Variants in AFTPH observed in about 807,000 individuals in gnomAD.
AFTPH encodes aftiphilin protein.
A neutral mutation model predicts 72.5 loss-of-function variants in AFTPH; 7 were observed. The observed-to-expected ratio is 0.10, with a 90% CI of 0.05 to 0.18. The LOEUF (loss-of-function observed/expected upper bound fraction) is 0.18. Among genes scored for constraint, AFTPH ranks in the 10% least tolerant of loss-of-function variants. The pLI, the probability that AFTPH is intolerant of heterozygous loss-of-function variation, is 1.00. For synonymous variants in AFTPH, 337 were observed against 370.1 expected (o/e 0.91, Z 1.03); for missense variants, 979 against 1,060.5 (o/e 0.92, Z 1.07).
intron 1 of AFTPH, among the ~76,000 whole-genome samples, chr2:64,534,232 T>C (rs1669770231): frequency 6.6e-6 from 1 of 152,210 alleles, no homozygotes; most frequent in African/African-American, 2.4e-5. Context: ...ACTCAAAATC[T>C]GAAGCATTGA....
At chr2:64,541,984 A>T (rs1411425265) in intron 1 of AFTPH, among the ~76,000 whole-genome samples, 1 of 152,140 alleles carries the variant, frequency 6.6e-6, no homozygotes, top group Non-Finnish European at 1.5e-5. Flanking sequence ...CCTTCTTTCT[A>T]CAATATCTTT....
intron 2 of AFTPH, among the ~76,000 whole-genome samples, chr2:64,556,833 A>G (rs140683603): frequency 1.5e-3 from 235 of 152,344 alleles, no homozygotes; most frequent in Non-Finnish European, 2.4e-3. Context: ...TATGAACATT[A>G]TTGAGAAATA....
chr2:64,569,332 G>A (rs1672277224), intron 4 of AFTPH, 114 bp downstream of exon 4: 1 of 1,375,076 alleles, frequency 7.3e-7, no homozygotes, highest in Non-Finnish European at 9.8e-7. Context: ...TAAATATTTG[G>A]TTTAAATGTT....
intron 1 of AFTPH, among the ~76,000 whole-genome samples, chr2:64,541,311 G>A (rs527819334): frequency 6.6e-6 from 1 of 152,178 alleles, no homozygotes; most frequent in African/African-American, 2.4e-5. Context: ...TATGCAGTTG[G>A]TGACTCAGTG....
intron 8 of AFTPH, among the ~76,000 whole-genome samples, chr2:64,587,278 G>C (rs1390154446): frequency 6.6e-6 from 1 of 152,148 alleles, no homozygotes; most frequent in African/African-American, 2.4e-5. Context: ...GCTAGGACCT[G>C]TCCAGCATCA....
At chr2:64,544,040 C>A (rs1199281902) in intron 1 of AFTPH, among the ~76,000 whole-genome samples, 1 of 152,216 alleles carries the variant, frequency 6.6e-6, no homozygotes, top group African/African-American at 2.4e-5. Flanking sequence ...AACTGTTTCC[C>A]TGACCCCTTT....
chr2:64,586,484 TAATA>T (rs902059632), intron 8 of AFTPH, among the ~76,000 whole-genome samples: 26 of 152,262 alleles, frequency 1.7e-4, no homozygotes, highest in African/African-American at 6.3e-4. Flanking sequence ...TTATTGTGAA[TAATA>T]AATGTTTCTC....
intron 1 of AFTPH, among the ~76,000 whole-genome samples, chr2:64,547,993 C>T (rs1023343589): frequency 2.0e-5 from 3 of 151,816 alleles, no homozygotes; most frequent in Non-Finnish European, 2.9e-5. Context: ...ATCATGTTGC[C>T]CAAGGCTGGT....
intron 6 of AFTPH, among the ~76,000 whole-genome samples, chr2:64,574,594 A>G (rs984984930): frequency 6.6e-6 from 1 of 152,232 alleles, no homozygotes; most frequent in Non-Finnish European, 1.5e-5. Flanking sequence ...GTGTGTTTCA[A>G]GAAACATCTA....
intron 1 of AFTPH, among the ~76,000 whole-genome samples, chr2:64,532,140 T>C (rs1256314629): frequency 6.6e-6 from 1 of 152,122 alleles, no homozygotes; most frequent in Non-Finnish European, 1.5e-5. Context: ...AATTGATCTT[T>C]CACCTAAAAA....
intron 6 of AFTPH, 64 bp from the exon 7 acceptor site, chr2:64,579,422 A>T (rs991993162): frequency 8.7e-6 from 11 of 1,264,100 alleles, no homozygotes; most frequent in South Asian, 1.4e-5. Flanking sequence ...TTTTTTTTTT[A>T]AGGATTCTTT....
At chr2:64,540,628 C>T (rs911361246) in intron 1 of AFTPH, among the ~76,000 whole-genome samples, 2 of 152,068 alleles carry the variant, frequency 1.3e-5, no homozygotes, top group African/African-American at 2.4e-5. Flanking sequence ...ACGTGTGTTG[C>T]AGCTCATGTA....
intron 8 of AFTPH, among the ~76,000 whole-genome samples, chr2:64,590,608 T>TA (rs1673769205): frequency 6.6e-6 from 1 of 152,242 alleles, no homozygotes; most frequent in South Asian, 2.1e-4. Context: ...TAAGTGCAAT[T>TA]AAAAATGTAG....
chr2:64,532,563 G>A (rs1199216855), intron 1 of AFTPH, among the ~76,000 whole-genome samples: 1 of 152,154 alleles, frequency 6.6e-6, no homozygotes, highest in Non-Finnish European at 1.5e-5. Context: ...AGGATAAGGA[G>A]CTTTGTCAAA....
chr2:64,562,339 T>C (rs899531362), intron 2 of AFTPH, among the ~76,000 whole-genome samples: 3 of 135,658 alleles, frequency 2.2e-5, no homozygotes, highest in East Asian at 2.1e-4. Context: ...GGCGAAGTGC[T>C]TTTTTTTTTT....
At chr2:64,527,347 G>C (rs112736859) in intron 1 of AFTPH, among the ~76,000 whole-genome samples, 17 of 152,274 alleles carry the variant, frequency 1.1e-4, no homozygotes, top group African/African-American at 2.6e-4. Context: ...TTGGGAGACC[G>C]GGGTGGGCAG....
At chr2:64,591,438 T>C (rs1673817781) in intron 8 of AFTPH, among the ~76,000 whole-genome samples, 1 of 152,256 alleles carries the variant, frequency 6.6e-6, no homozygotes, top group African/African-American at 2.4e-5. Context: ...TTAAAATGAC[T>C]TAGTCTTTCC....
At chr2:64,585,276 A>AT (rs1673439146) in intron 7 of AFTPH, 146 bp from the exon 9 acceptor site, 2 of 936,982 alleles carry the variant, frequency 2.1e-6, no homozygotes, top group East Asian at 5.3e-5. Context: ...GTAAAAAATA[A>AT]ATGCAGTATT....
chr2:64,586,865 A>G lies in AFTPH; in HGVS notation c.2579+1320A>G, dbSNP rs557657237. On this transcript the variant is annotated intron_variant, in intron 8 of 8. Coordinates refer to ENST00000238856, the Ensembl canonical transcript of AFTPH. ...AGAAAAAAATGGATGAGAAATTTGT[A>G]TATGTTAACTAAAAGCTAACACACA... is the stretch of plus-strand genomic sequence containing the variant. Among the ~76,000 whole-genome samples the G allele has an allele frequency of 3.9e-5, 6 of 152,354 alleles. No homozygotes were observed. In the South Asian group the frequency reaches 1.2e-3, roughly 32 times the overall value.
Sources: allele counts gnomAD v4.1 joint callset (sites outside exome capture counted in the v4.1 genomes callset), GRCh38; gene constraint gnomAD v4.1.1; transcripts MANE v1.5; gene names NCBI Gene and HGNC (gene_info 2026-07-23, HGNC 2026-07-21).